Variants in HYDIN observed in about 807,000 individuals in gnomAD.
The protein encoded by HYDIN is HYDIN axonemal central pair apparatus protein, also known as axonemal central pair apparatus protein HYDIN.
A neutral mutation model predicts 403.9 loss-of-function variants in HYDIN; 132 were observed. The observed-to-expected ratio is 0.33, with a 90% CI of 0.28 to 0.38. The LOEUF (loss-of-function observed/expected upper bound fraction) is 0.38, where lower values mean the gene tolerates loss of function less well. Among genes scored for constraint, HYDIN ranks in the 10% least tolerant of loss-of-function variants. HYDIN has a pLI of 1.00. For synonymous variants in HYDIN, 1,202 were observed against 1,891.7 expected (o/e 0.64, Z 9.46); for missense variants, 2,827 against 5,009.5 (o/e 0.56, Z 13.15).
At chr16:70,976,010 TC>T in intron 30 of HYDIN, among the ~76,000 whole-genome samples, 1 of 143,202 alleles carries the variant, frequency 7.0e-6, no homozygotes, top group East Asian at 2.1e-4. Context: ...AAGTCCCTAC[TC>T]CCAGTTTCTG....
intron 41 of HYDIN, among the ~76,000 whole-genome samples, chr16:70,949,708 CTG>C (rs1198125486): frequency 2.0e-5 from 3 of 152,204 alleles, no homozygotes; most frequent in Non-Finnish European, 4.4e-5. Context: ...CAGGGGGACA[CTG>C]TTGTCCAGAT....
chr16:70,845,525 G>C (rs1039591101), intron 75 of HYDIN, among the ~76,000 whole-genome samples: 5 of 105,244 alleles, frequency 4.8e-5, no homozygotes, highest in South Asian at 6.0e-4. Context: ...GTCTCTGCCC[G>C]GCTTTGGTAT....
chr16:70,981,892 G>A (rs1017608651), intron 28 of HYDIN, among the ~76,000 whole-genome samples: 1 of 152,002 alleles, frequency 6.6e-6, no homozygotes, highest in Non-Finnish European at 1.5e-5. Context: ...ACTTTGGGAG[G>A]CTGAGGTGGG....
intron 1 of HYDIN, among the ~76,000 whole-genome samples, chr16:71,202,956 C>T (rs1567447118): frequency 6.6e-6 from 1 of 152,138 alleles, no homozygotes; most frequent in Non-Finnish European, 1.5e-5. Context: ...TGGGGGTGTA[C>T]ATGTGACCCT....
chr16:70,909,750 C>T (rs1374714413), intron 47 of HYDIN, among the ~76,000 whole-genome samples: 1 of 134,846 alleles, frequency 7.4e-6, no homozygotes, highest in Admixed American at 8.3e-5. Context: ...GGCTGCAGTG[C>T]AGTGGTGCCA....
intron 13 of HYDIN, among the ~76,000 whole-genome samples, chr16:71,070,477 C>T (rs1364152068): frequency 1.3e-5 from 2 of 148,878 alleles, no homozygotes; most frequent in African/African-American, 5.1e-5. Flanking sequence ...CGCCACCATG[C>T]ACCACCACGC....
intron 60 of HYDIN, among the ~76,000 whole-genome samples, chr16:70,882,117 G>A (rs537220612): frequency 0.023 from 3,435 of 152,298 alleles, 28 homozygotes; most frequent in Non-Finnish European, 0.032. Flanking sequence ...GGACCTAGGG[G>A]AAGGATTTAG....
chr16:71,080,712 T>C (rs1240092355), intron 12 of HYDIN, among the ~76,000 whole-genome samples: 1 of 134,348 alleles, frequency 7.4e-6, no homozygotes, highest in African/African-American at 3.2e-5. Context: ...CCTATGAATA[T>C]ATTAGGTTAC....
Position 70,807,361 on chromosome 16 carries a change from T to C in HYDIN, c.*219A>G. 1 of 511,056 alleles carries C rather than the reference T, an allele frequency of 2.0e-6. No individual in the cohort carries two copies. Among genetic ancestry groups the C allele is most frequent in the Non-Finnish European group, 3.4e-6 (1 of 298,216 alleles). The allele number at this position is 511,056 out of a possible 1,614,324, so 31.7% of individuals were successfully genotyped here. ...AATTTAGGGACTCACAAGGATTCAGTTGTCTAAAATATAGAGCTGTTGTGT... is the reference window on the plus strand; with the variant it reads ...AATTTAGGGACTCACAAGGATTCAGCTGTCTAAAATATAGAGCTGTTGTGT... On this transcript the variant is annotated 3_prime_UTR_variant, in exon 86 of 86. Transcript: ENST00000393567.
rs532254780 is a variant in HYDIN at position 71,004,441 on chromosome 16, T to C, written c.3645-12231A>G. Among the ~76,000 whole-genome samples the C allele has an allele frequency of 1.4e-4, 21 of 152,318 alleles. No individual in the cohort carries two copies. In the South Asian group the frequency reaches 4.4e-3, roughly 32 times the overall value. ...AAGGAATTTTCACATGAATAGTTGGTTCTACTGAAATTTTTCCTGGATTTA... is the reference window on the plus strand; with the variant it reads ...AAGGAATTTTCACATGAATAGTTGGCTCTACTGAAATTTTTCCTGGATTTA... On this transcript the variant is annotated intron_variant, in intron 23 of 85. Transcript: ENST00000393567.
intron 3 of HYDIN, 111 bp downstream of exon 3, chr16:71,184,754 C>A: frequency 1.1e-6 from 1 of 904,394 alleles, no homozygotes; most frequent in Non-Finnish European, 1.6e-6. Flanking sequence ...GGATTGAAAA[C>A]AAACCCAATA....
At chr16:71,227,514 C>A (rs575602676) in intron 1 of HYDIN, among the ~76,000 whole-genome samples, 1 of 152,190 alleles carries the variant, frequency 6.6e-6, no homozygotes, top group African/African-American at 2.4e-5. Context: ...TTCTTATACA[C>A]CAATAACAGA....
At chr16:70,826,582 G>C (rs931185142) in intron 83 of HYDIN, among the ~76,000 whole-genome samples, 1 of 151,428 alleles carries the variant, frequency 6.6e-6, no homozygotes, top group Non-Finnish European at 1.5e-5. Flanking sequence ...ATGATGTCTT[G>C]TTTTGAGGTT....
intron 52 of HYDIN, among the ~76,000 whole-genome samples, chr16:70,902,821 A>ATTTTTTTTTTTTTTTTTTTTTTTTTTTT (rs60618592): frequency 2.1e-5 from 1 of 47,318 alleles, no homozygotes; most frequent in East Asian, 5.4e-4. Context: ...ATATATATAT[A>ATTTTTTTTTTTTTTTTTTTTTTTTTTTT]TTTTTTTTTT....
At chr16:71,122,666 T>A (rs374847567) in intron 9 of HYDIN, among the ~76,000 whole-genome samples, 11 of 137,920 alleles carry the variant, frequency 8.0e-5, no homozygotes, top group South Asian at 5.0e-4. Flanking sequence ...TAAACTAAAT[T>A]TGAGCTGTGC....
At chr16:71,077,155 C>T (rs1198719075) in intron 13 of HYDIN, among the ~76,000 whole-genome samples, 2 of 151,362 alleles carry the variant, frequency 1.3e-5, no homozygotes, top group African/African-American at 4.9e-5. Flanking sequence ...TCACATTGAG[C>T]ATGTGTAAAT....
chr16:70,957,403 T>G (rs923016974), intron 39 of HYDIN, among the ~76,000 whole-genome samples: 28 of 151,190 alleles, frequency 1.9e-4, no homozygotes, highest in African/African-American at 5.9e-4. Context: ...CTTGGCTCAC[T>G]GCAACCTCTG....
chr16:70,879,321 C>T lies in HYDIN; in HGVS notation c.10533G>A (p.Lys3511=), dbSNP rs2040634001. 1 of 1,401,404 alleles carries T rather than the reference C, an allele frequency of 7.1e-7. No homozygotes were observed. Among genetic ancestry groups the T allele is most frequent in the Non-Finnish European group, 9.9e-7 (1 of 1,010,814 alleles). The allele number at this position is 1,401,404 out of a possible 1,614,324, so 86.8% of individuals were successfully genotyped here. The change falls in exon 62 of 86, where the codon AAG becomes AAA. Residue 3511 remains lysine, a synonymous_variant. Coordinates refer to ENST00000393567, the MANE Select transcript of HYDIN (RefSeq NM_001270974.2). ...CCTGGGCAGGGAGGACACCATTGTT[C>T]TTGAGGATGAGAGGCAGCTTCTCTG... ...GHSEKLPLIL[K]NNGVLPAQLH... is the part of the protein sequence containing the mutation.
At chr16:70,915,770 AG>A (rs1439043585) in intron 47 of HYDIN, among the ~76,000 whole-genome samples, 1 of 140,150 alleles carries the variant, frequency 7.1e-6, no homozygotes, top group Non-Finnish European at 1.6e-5. Flanking sequence ...AGTTGGGGAC[AG>A]GGCTAGGCAT....
Sources: gnomAD v4.1 joint callset for allele counts (sites outside exome capture counted in the v4.1 genomes callset) on GRCh38, gnomAD v4.1.1 for gene constraint, MANE v1.5 for transcripts, NCBI Gene and HGNC (gene_info 2026-07-23, HGNC 2026-07-21) for gene names.